FGF14: variants seen among roughly 807,000 people sequenced by gnomAD.
The protein encoded by FGF14 is fibroblast growth factor 14, also known as fibroblast growth factor homologous factor 4.
Under a neutral mutation model 25.5 loss-of-function variants are expected in FGF14, and 5 were observed. The observed-to-expected ratio is 0.20, with a 90% CI of 0.10 to 0.41. The LOEUF (loss-of-function observed/expected upper bound fraction) is 0.41, where lower values mean the gene tolerates loss of function less well. FGF14 is among the 10% of genes least tolerant of loss of function. The pLI, the probability that FGF14 is intolerant of heterozygous loss-of-function variation, is 1.00. For missense variants in FGF14, 222 were observed against 320.1 expected (o/e 0.69, Z 2.34); for synonymous variants, 138 against 118.3 (o/e 1.17, Z -1.08).
At chr13:102,209,925 A>C (rs2140916402) in intron 1 of FGF14, among the ~76,000 whole-genome samples, 1 of 152,236 alleles carries the variant, frequency 6.6e-6, no homozygotes, top group Non-Finnish European at 1.5e-5. Context: ...TGTTCTCAGC[A>C]CTTAAAACTA....
chr13:101,922,129 A>C (rs1261452353), intron 1 of FGF14, among the ~76,000 whole-genome samples: 1 of 152,222 alleles, frequency 6.6e-6, no homozygotes, highest in Non-Finnish European at 1.5e-5. Context: ...AAGACATTGG[A>C]TATCTGAACA....
At chr13:102,029,425 C>T (rs2041098835) in intron 1 of FGF14, among the ~76,000 whole-genome samples, 1 of 151,992 alleles carries the variant, frequency 6.6e-6, no homozygotes. Context: ...TACAGCAGAG[C>T]TAGCCCAATG....
chr13:102,293,310 G>A (rs997209653), intron 1 of FGF14: 2 of 152,234 alleles, frequency 1.3e-5, no homozygotes, highest in South Asian at 4.1e-4. Context: ...GAAATTTGCT[G>A]ATAGATGCAG....
chr13:102,037,560 C>T (rs1032161304), intron 1 of FGF14, among the ~76,000 whole-genome samples: 3 of 152,108 alleles, frequency 2.0e-5, no homozygotes, highest in Admixed American at 6.6e-5. Context: ...GCAAAACCCT[C>T]CTGCCAATAG....
chr13:102,174,159 G>T (rs1326407333), intron 1 of FGF14, among the ~76,000 whole-genome samples: 1 of 146,762 alleles, frequency 6.8e-6, no homozygotes, highest in Non-Finnish European at 1.5e-5. Flanking sequence ...TTTTGAAATG[G>T]AGTCTCACTC....
At chr13:102,086,291 C>A (rs2043894517) in intron 1 of FGF14, among the ~76,000 whole-genome samples, 1 of 152,016 alleles carries the variant, frequency 6.6e-6, no homozygotes, top group Admixed American at 6.6e-5. Context: ...GAGGCCGAGG[C>A]GGGTGGATCA....
chr13:101,926,961 A>C (rs183000717), intron 1 of FGF14, among the ~76,000 whole-genome samples: 137 of 152,352 alleles, frequency 9.0e-4, no homozygotes, highest in Middle Eastern at 3.4e-3. Context: ...ATGCGGACAG[A>C]GGAAGAGGAA....
At chr13:101,824,035 T>C (rs1172601815) in intron 3 of FGF14, among the ~76,000 whole-genome samples, 1 of 152,104 alleles carries the variant, frequency 6.6e-6, no homozygotes, top group Non-Finnish European at 1.5e-5. Flanking sequence ...AATTTCCTAA[T>C]AGTATACCTT....
intron 1 of FGF14, among the ~76,000 whole-genome samples, chr13:102,054,353 A>G (rs1252108560): frequency 6.6e-6 from 1 of 152,188 alleles, no homozygotes; most frequent in African/African-American, 2.4e-5. Context: ...TAGTGGACAT[A>G]ATGTTTAGAC....
At chr13:102,051,938 C>T (rs2042230864) in intron 1 of FGF14, among the ~76,000 whole-genome samples, 1 of 151,958 alleles carries the variant, frequency 6.6e-6, no homozygotes, top group Non-Finnish European at 1.5e-5. Flanking sequence ...ATATTAAATG[C>T]TTAAAAAAAT....
chr13:102,157,755 T>C (rs978195481), intron 1 of FGF14, among the ~76,000 whole-genome samples: 1 of 152,104 alleles, frequency 6.6e-6, no homozygotes, highest in African/African-American at 2.4e-5. Flanking sequence ...AGGGAGAAAG[T>C]TTTTGCAATC....
chr13:101,993,246 C>A (rs2039001882), intron 1 of FGF14, among the ~76,000 whole-genome samples: 1 of 148,812 alleles, frequency 6.7e-6, no homozygotes, highest in African/African-American at 2.4e-5. Flanking sequence ...AATTCTATAT[C>A]CTGAAAAATT....
intron 2 of FGF14, among the ~76,000 whole-genome samples, chr13:101,871,547 T>A (rs1056736754): frequency 6.6e-6 from 1 of 152,114 alleles, no homozygotes; most frequent in African/African-American, 2.4e-5. Flanking sequence ...GAGAGGGACT[T>A]TTGAGGTTTT....
intron 3 of FGF14, among the ~76,000 whole-genome samples, chr13:101,760,047 A>G (rs1257076776): frequency 6.6e-6 from 1 of 152,116 alleles, no homozygotes; most frequent in African/African-American, 2.4e-5. Flanking sequence ...AATAGGGGTG[A>G]CTCCAATGGT....
intron 1 of FGF14, among the ~76,000 whole-genome samples, chr13:101,951,876 AAGG>A (rs1446419020): frequency 3.9e-5 from 6 of 152,162 alleles, no homozygotes; most frequent in Non-Finnish European, 8.8e-5. Flanking sequence ...TTAATACTGG[AAGG>A]AGAATACTAC....
intron 1 of FGF14, among the ~76,000 whole-genome samples, chr13:102,313,667 AT>A (rs1365792351): frequency 1.3e-5 from 2 of 152,180 alleles, no homozygotes; most frequent in South Asian, 2.1e-4. Flanking sequence ...TTTTAAACTA[AT>A]AACATAATGA....
intron 1 of FGF14, among the ~76,000 whole-genome samples, chr13:102,183,735 T>C (rs1305599392): frequency 6.6e-6 from 1 of 152,138 alleles, no homozygotes; most frequent in Admixed American, 6.6e-5. Flanking sequence ...GGCAAAGAAA[T>C]ATAGCAGAGA....
At chr13:101,877,133 T>C (rs1422256866) in intron 1 of FGF14, among the ~76,000 whole-genome samples, 5 of 152,112 alleles carry the variant, frequency 3.3e-5, no homozygotes, top group African/African-American at 1.2e-4. Context: ...GGCGAGGCAG[T>C]GAGAAGCCAC....
intron 1 of FGF14, among the ~76,000 whole-genome samples, chr13:102,375,623 A>C (rs2058021991): frequency 6.6e-6 from 1 of 152,222 alleles, no homozygotes; most frequent in Admixed American, 6.5e-5. Flanking sequence ...ACAATTTTAA[A>C]TATAAACTTT....
Sources: gnomAD v4.1 joint callset for allele counts (sites outside exome capture counted in the v4.1 genomes callset) on GRCh38, gnomAD v4.1.1 for gene constraint, MANE v1.5 for transcripts, NCBI Gene and HGNC (gene_info 2026-07-23, HGNC 2026-07-21) for gene names.